Variants in SDF2 observed in about 807,000 individuals in gnomAD.
The protein encoded by SDF2 is stromal cell-derived factor 2.
In SDF2, 12 loss-of-function variants were observed where a neutral mutation model predicts 20.5. That is an observed-to-expected ratio of 0.58 (90% confidence interval 0.37 to 0.95). The LOEUF (loss-of-function observed/expected upper bound fraction) is 0.95, where lower values mean the gene tolerates loss of function less well. SDF2 is among the 40% of genes least tolerant of loss of function. The pLI is 0.01. For synonymous variants in SDF2, 100 were observed against 101.0 expected (o/e 0.99, Z 0.06); for missense variants, 238 against 263.1 (o/e 0.90, Z 0.66).
In SDF2 at chr17:28,648,944, T is replaced by C. The variant is rs2071888104; in HGVS notation, c.*45A>G. ...GATCCCAAGGTGAGGCAGCAACAGA[T>C]GTCTGTGAACATTGTGCGTTAACAG... On this transcript the variant is annotated 3_prime_UTR_variant, in exon 3 of 3. Transcript: ENST00000247020. 6 of 1,590,252 alleles carry C rather than the reference T, an allele frequency of 3.8e-6. No homozygotes were observed. The highest frequency in any genetic ancestry group is 3.4e-6 in the Non-Finnish European group (4 of 1,162,918).
Position 28,648,972 on chromosome 17 carries a change from GCTCAGAGC to G in SDF2, c.*9_*16del, listed in dbSNP as rs1230496083. On this transcript the variant is annotated 3_prime_UTR_variant, in exon 3 of 3. Coordinates refer to ENST00000247020, the MANE Select transcript of SDF2 (RefSeq NM_006923.4). ...CTGTGAACATTGTGCGTTAACAGTGGCTCAGAGCCTCTAGATTCACAGCTCTGCATGGT... is the reference window on the plus strand; with the variant it reads ...CTGTGAACATTGTGCGTTAACAGTGGCTCTAGATTCACAGCTCTGCATGGT... 1 of 1,611,984 alleles carries G rather than the reference GCTCAGAGC, an allele frequency of 6.2e-7. No individual in the cohort carries two copies. The highest frequency in any genetic ancestry group is 2.2e-5 in the East Asian group (1 of 44,840).
chr17:28,655,219 A>G (rs2071950332), intron 2 of SDF2, 68 bp downstream of exon 2: 1 of 1,431,898 alleles, frequency 7.0e-7, no homozygotes, highest in African/African-American at 1.4e-5. Flanking sequence ...ACATTTAAGA[A>G]CCAAGAGATC....
At chr17:28,651,263 CA>C (rs2071912791) in intron 2 of SDF2, among the ~76,000 whole-genome samples, 1 of 152,166 alleles carries the variant, frequency 6.6e-6, no homozygotes, top group South Asian at 2.1e-4. Flanking sequence ...GGGGTTTCAC[CA>C]TGTTGACCAG....
intron 1 of SDF2, chr17:28,661,211 T>C (rs1001320975): frequency 6.6e-6 from 3 of 453,732 alleles, no homozygotes; most frequent in Admixed American, 4.8e-5. Flanking sequence ...AAGTGTAAGA[T>C]GCAGAAGAGC....
intron 1 of SDF2, 43 bp from the exon 2 acceptor site, chr17:28,655,526 G>C (rs375325673): frequency 4.0e-5 from 61 of 1,513,432 alleles, no homozygotes; most frequent in Middle Eastern, 1.8e-4. Context: ...CTCTGCCATG[G>C]ACAACATGCT....
chr17:28,648,720 T>A lies in SDF2; in HGVS notation c.*269A>T, dbSNP rs2071886228. ...AGCTAAGAGGGATGTTTCCCTCAGT[T>A]TGTTTTATCAGTACTAATAAAAAGC... On this transcript the variant is annotated 3_prime_UTR_variant, in exon 3 of 3. Transcript: ENST00000247020. The A allele has an allele frequency of 2.1e-6, 1 of 476,366 alleles. No individual in the cohort carries two copies. Among genetic ancestry groups the A allele is most frequent in the South Asian group, 3.1e-5 (1 of 32,304 alleles). 29.5% of individuals were successfully genotyped at this position (476,366 alleles called of 1,614,324 possible).
At chr17:28,657,507 C>G (rs1045219626) in intron 1 of SDF2, among the ~76,000 whole-genome samples, 1 of 152,048 alleles carries the variant, frequency 6.6e-6, no homozygotes, top group Non-Finnish European at 1.5e-5. Context: ...GGGTGATCCT[C>G]CTACCTCAGC....
chr17:28,650,884 G>T (rs184398914), intron 2 of SDF2, among the ~76,000 whole-genome samples: 2 of 146,762 alleles, frequency 1.4e-5, no homozygotes, highest in Non-Finnish European at 3.0e-5. Flanking sequence ...GCCTCAAGTG[G>T]TCTTATGGCC....
rs777783492 is a variant in SDF2, at chr17:28,661,877, C to A, written c.-1G>T. The A allele has an allele frequency of 6.2e-7, 1 of 1,601,450 alleles. No homozygotes were observed. ...ACAACAGCAGAGGTACTACAGCCAT[C>A]CTAACTGTATCGCGGAGCCCCAAAT... is the stretch of plus-strand genomic sequence containing the variant. On this transcript the variant is annotated 5_prime_UTR_variant, in exon 1 of 3. Coordinates refer to ENST00000247020, the MANE Select transcript of SDF2 (RefSeq NM_006923.4).
At chr17:28,656,566 T>C (rs1223340315) in intron 1 of SDF2, among the ~76,000 whole-genome samples, 2 of 152,066 alleles carry the variant, frequency 1.3e-5, no homozygotes, top group African/African-American at 4.8e-5. Context: ...CCAGCCTGGA[T>C]GACAGAGCCA....
intron 1 of SDF2, among the ~76,000 whole-genome samples, chr17:28,660,195 C>T (rs1044694318): frequency 2.3e-4 from 35 of 152,262 alleles, no homozygotes; most frequent in African/African-American, 7.7e-4. Flanking sequence ...GCCGAGATCA[C>T]GGCAGTACAG....
intron 1 of SDF2, among the ~76,000 whole-genome samples, chr17:28,658,954 G>GAGGC (rs2071993386): frequency 6.7e-6 from 1 of 149,228 alleles, no homozygotes; most frequent in African/African-American, 2.5e-5. Flanking sequence ...TGGCCGGGCA[G>GAGGC]AGGCGCTCCT....
At chr17:28,654,702 A>G (rs1174918253) in intron 2 of SDF2, among the ~76,000 whole-genome samples, 1 of 152,134 alleles carries the variant, frequency 6.6e-6, no homozygotes, top group Non-Finnish European at 1.5e-5. Context: ...TTGTAATCCC[A>G]GCACTTTGGG....
intron 1 of SDF2, chr17:28,655,695 G>C (rs769959991): frequency 3.3e-6 from 2 of 602,842 alleles, no homozygotes; most frequent in African/African-American, 1.9e-5. Context: ...GGTGGAACCT[G>C]CAAAGCTGCC....
chr17:28,654,381 G>C (rs1478127087), intron 2 of SDF2, among the ~76,000 whole-genome samples: 3 of 151,502 alleles, frequency 2.0e-5, no homozygotes, highest in African/African-American at 7.3e-5. Context: ...CTGCAAGTTG[G>C]AAAACATTGG....
intron 2 of SDF2, among the ~76,000 whole-genome samples, chr17:28,651,234 G>GT (rs1567675909): frequency 6.6e-6 from 1 of 152,122 alleles, no homozygotes; most frequent in Non-Finnish European, 1.5e-5. Context: ...GCTAATTTTG[G>GT]TATTTTTTAA....
intron 2 of SDF2, among the ~76,000 whole-genome samples, chr17:28,653,252 T>C (rs1489566375): frequency 4.6e-5 from 7 of 152,208 alleles, no homozygotes; most frequent in Non-Finnish European, 8.8e-5. Flanking sequence ...ATCATAAAGA[T>C]AGTATGTACC....
chr17:28,654,430 G>A (rs2071938983), intron 2 of SDF2, among the ~76,000 whole-genome samples: 1 of 150,458 alleles, frequency 6.6e-6, no homozygotes, highest in African/African-American at 2.4e-5. Flanking sequence ...ATGATATGCT[G>A]ATGTATACCC....
intron 2 of SDF2, among the ~76,000 whole-genome samples, chr17:28,654,823 G>A (rs565579956): frequency 2.0e-5 from 3 of 152,278 alleles, no homozygotes; most frequent in Admixed American, 6.5e-5. Flanking sequence ...AGGTGTGGTG[G>A]CACACGCCTG....
Sources: gnomAD v4.1 joint callset for allele counts (sites outside exome capture counted in the v4.1 genomes callset) on GRCh38, gnomAD v4.1.1 for gene constraint, MANE v1.5 for transcripts, NCBI Gene and HGNC (gene_info 2026-07-23, HGNC 2026-07-21) for gene names.